Variants in NAV2 observed in about 807,000 individuals in gnomAD.
NAV2 encodes the protein neuron navigator 2.
NAV2 carries 54 observed loss-of-function variants against 223.2 expected under a neutral mutation model. The ratio of observed to expected loss-of-function variants is 0.24; its 90% CI spans 0.19 to 0.30. NAV2 has a LOEUF of 0.30. Among genes scored for constraint, NAV2 ranks in the 10% least tolerant of loss-of-function variants. The pLI, the probability that NAV2 is intolerant of heterozygous loss-of-function variation, is 1.00. For synonymous variants in NAV2, 1,279 were observed against 1,239.3 expected, an observed-to-expected ratio of 1.03 and a Z score of -0.67; for missense variants, 2,806 against 3,147.5, an observed-to-expected ratio of 0.89 and a Z score of 2.60.
chr11:20,118,327 T>A lies in NAV2; in HGVS notation c.*69T>A. The A allele has an allele frequency of 6.4e-7, 1 of 1,552,276 alleles. No individual in the cohort carries two copies. The highest frequency in any genetic ancestry group is 8.8e-7 in the Non-Finnish European group (1 of 1,138,970). The stretch of plus-strand genomic sequence containing the variant: ...TCCACCTGCATCCCCCACATCACCC[T>A]GAAGATGACTTCCTGAGCCAGCCCC... On this transcript the variant is annotated 3_prime_UTR_variant, in exon 38 of 38. Coordinates refer to ENST00000349880, the MANE Select transcript of NAV2 (RefSeq NM_145117.5).
At chr11:19,360,757 G>A (rs1853888945) in intron 1 of NAV2, among the ~76,000 whole-genome samples, 1 of 152,204 alleles carries the variant, frequency 6.6e-6, no homozygotes, top group African/African-American at 2.4e-5. Context: ...TGGAGAGCAG[G>A]AGGCACTCTT....
chr11:19,713,971 TG>T lies in NAV2; in HGVS notation c.267+10del. The T allele has an allele frequency of 6.2e-7, 1 of 1,612,450 alleles. No homozygotes were observed. The highest frequency in any genetic ancestry group is 8.5e-7 in the Non-Finnish European group (1 of 1,179,626). ...ACGGGTTCGATACCCAGGTGAGAGA[TG>T]CCGTTTGCCGGGGTACTGTTCTGGA... On this transcript the variant is annotated intron_variant, in intron 1 of 37. Transcript: ENST00000349880. This position sits in a 1 kb window ranked among gnomAD's most constrained non-coding sequence, Gnocchi z 7.2.
At chr11:20,087,831 C>T (rs1565033659) in intron 26 of NAV2, among the ~76,000 whole-genome samples, 1 of 152,122 alleles carries the variant, frequency 6.6e-6, no homozygotes, top group Non-Finnish European at 1.5e-5. Context: ...ATGTCTCTGC[C>T]TCCCCATTTT....
intron 1 of NAV2, among the ~76,000 whole-genome samples, chr11:19,501,928 C>T (rs899807159): frequency 4.6e-5 from 7 of 152,166 alleles, no homozygotes; most frequent in African/African-American, 1.4e-4. Context: ...CTGCACCCAA[C>T]TGGATATAAA....
intron 1 of NAV2, among the ~76,000 whole-genome samples, chr11:19,637,897 C>T (rs1220953953): frequency 1.3e-5 from 2 of 152,208 alleles, no homozygotes; most frequent in African/African-American, 4.8e-5. Flanking sequence ...GCATTTTGTT[C>T]TCTTTATTTC....
intron 3 of NAV2, among the ~76,000 whole-genome samples, chr11:19,856,014 T>G (rs990430563): frequency 4.6e-5 from 7 of 152,218 alleles, no homozygotes; most frequent in Non-Finnish European, 8.8e-5. Context: ...CTTCCTGATA[T>G]GTGGATATGT....
At chr11:19,838,979 G>A (rs900754054) in intron 2 of NAV2, among the ~76,000 whole-genome samples, 7 of 152,296 alleles carry the variant, frequency 4.6e-5, no homozygotes, top group Middle Eastern at 3.4e-3. Flanking sequence ...GACACCCCTG[G>A]AGCTGGGCTT....
chr11:19,547,108 C>T (rs2044525332), intron 1 of NAV2, among the ~76,000 whole-genome samples: 1 of 152,222 alleles, frequency 6.6e-6, no homozygotes, highest in Admixed American at 6.5e-5. Flanking sequence ...CATCCAACAG[C>T]AGCCTCTCCT....
intron 1 of NAV2, among the ~76,000 whole-genome samples, chr11:19,565,311 C>A (rs1360875370): frequency 6.6e-6 from 1 of 152,204 alleles, no homozygotes; most frequent in Non-Finnish European, 1.5e-5. Flanking sequence ...GCCTCGAAAC[C>A]CTTGGAAGTA....
At chr11:19,385,766 T>C (rs1849013317) in intron 1 of NAV2, among the ~76,000 whole-genome samples, 2 of 20,190 alleles carry the variant, frequency 9.9e-5, no homozygotes, top group African/African-American at 1.6e-4. Flanking sequence ...TTTTTTTTTT[T>C]TTTTTTTTTT....
intron 10 of NAV2, among the ~76,000 whole-genome samples, chr11:19,980,851 A>G (rs1331392990): frequency 1.3e-5 from 2 of 152,178 alleles, no homozygotes; most frequent in African/African-American, 4.8e-5. Flanking sequence ...AACATTTTAA[A>G]TTAATTTCTT....
intron 1 of NAV2, among the ~76,000 whole-genome samples, chr11:19,806,586 A>G (rs1373305881): frequency 2.6e-5 from 4 of 152,308 alleles, no homozygotes; most frequent in South Asian, 4.1e-4. Context: ...CTTCTTGTTA[A>G]CTACTAGACC....
intron 10 of NAV2, among the ~76,000 whole-genome samples, chr11:19,983,261 A>G (rs1304237030): frequency 6.6e-6 from 1 of 152,188 alleles, no homozygotes; most frequent in Non-Finnish European, 1.5e-5. Context: ...AGCTTTCAGG[A>G]ACTTGTCTGG....
chr11:19,917,733 C>T (rs1038971163), intron 6 of NAV2, among the ~76,000 whole-genome samples: 5 of 152,224 alleles, frequency 3.3e-5, no homozygotes, highest in African/African-American at 1.2e-4. Flanking sequence ...CTGCCTCAGC[C>T]TCCCATGTAG....
At chr11:19,951,713 G>A (rs2047412310) in intron 10 of NAV2, among the ~76,000 whole-genome samples, 1 of 152,172 alleles carries the variant, frequency 6.6e-6, no homozygotes, top group Admixed American at 6.5e-5. Flanking sequence ...AGTGATAGCC[G>A]ACTGAGAAAC....
intron 36 of NAV2, among the ~76,000 whole-genome samples, chr11:20,114,120 A>G (rs1464025263): frequency 6.6e-6 from 1 of 152,228 alleles, no homozygotes; most frequent in Non-Finnish European, 1.5e-5. Context: ...AGATGCACCA[A>G]ATGGAGTACT....
chr11:19,776,238 C>A (rs1490224865), intron 1 of NAV2, among the ~76,000 whole-genome samples: 1 of 152,266 alleles, frequency 6.6e-6, no homozygotes, highest in African/African-American at 2.4e-5. Context: ...ATTCTTGAGC[C>A]TTTTCAGGAT....
intron 1 of NAV2, among the ~76,000 whole-genome samples, chr11:19,671,721 T>C (rs536940004): frequency 3.1e-4 from 47 of 152,364 alleles, no homozygotes; most frequent in African/African-American, 1.0e-3. Context: ...TGTTGCATAT[T>C]CTTGTTTTTG....
intron 1 of NAV2, among the ~76,000 whole-genome samples, chr11:19,530,579 T>G (rs775917068): frequency 1.3e-5 from 2 of 152,200 alleles, no homozygotes; most frequent in African/African-American, 4.8e-5. Flanking sequence ...TGAATCCAAG[T>G]CTTCCCACCC....
Sources: allele counts gnomAD v4.1 joint callset (sites outside exome capture counted in the v4.1 genomes callset), GRCh38; gene constraint gnomAD v4.1.1; non-coding constraint Gnocchi (gnomAD v3.1); transcripts MANE v1.5; gene names NCBI Gene and HGNC (gene_info 2026-07-23, HGNC 2026-07-21).